The following MAGOHB variants were observed in gnomAD, a reference collection of about 807,000 sequenced individuals.
MAGOHB encodes the protein mago homolog B, exon junction complex subunit.
Under a neutral mutation model 20.9 loss-of-function variants are expected in MAGOHB, and 15 were observed. The ratio of observed to expected loss-of-function variants is 0.72; its 90% CI spans 0.48 to 1.11. MAGOHB has a LOEUF of 1.11. Ranked by LOEUF, MAGOHB falls within the 50% of genes least tolerant of loss-of-function variation. The probability of loss-of-function intolerance (pLI) is 0.00; values close to 1 mark genes in which losing one functional copy is unlikely to be tolerated. For missense variants in MAGOHB, 162 were observed against 177.6 expected (o/e 0.91, Z 0.50); for synonymous variants, 50 against 57.9 (o/e 0.86, Z 0.62).
At chr12:10,612,292 G>A (rs1485624796) in intron 1 of MAGOHB, among the ~76,000 whole-genome samples, 2 of 151,926 alleles carry the variant, frequency 1.3e-5, no homozygotes, top group Non-Finnish European at 2.9e-5. Flanking sequence ...CCAGCACCTC[G>A]GCAGGCTGAG....
chr12:10,613,320 T>G (rs1865785128), intron 1 of MAGOHB, 119 bp downstream of exon 1: 2 of 856,474 alleles, frequency 2.3e-6, no homozygotes, highest in Non-Finnish European at 3.9e-6. Context: ...TCCTCTATTC[T>G]TAAGCTCCTA....
chr12:10,612,556 T>C (rs1473124117), intron 1 of MAGOHB: 1 of 512,376 alleles, frequency 2.0e-6, no homozygotes, highest in African/African-American at 2.1e-5. Flanking sequence ...GGACTTAATA[T>C]GCATACTGCT....
intron 1 of MAGOHB, 91 bp downstream of exon 1, chr12:10,613,348 A>T (rs1405669912): frequency 1.8e-6 from 2 of 1,085,332 alleles, no homozygotes; most frequent in East Asian, 2.4e-5. Flanking sequence ...CGAGGGAAGC[A>T]GTGGCCTCCG....
chr12:10,612,664 G>A, intron 1 of MAGOHB: 8 of 1,147,586 alleles, frequency 7.0e-6, no homozygotes, highest in Non-Finnish European at 8.7e-6. Flanking sequence ...TTTGCTTGTT[G>A]TCCAGCACAA....
At chr12:10,610,291 A>C (rs1865701141) in intron 2 of MAGOHB, among the ~76,000 whole-genome samples, 1 of 152,198 alleles carries the variant, frequency 6.6e-6, no homozygotes, top group Non-Finnish European at 1.5e-5. Flanking sequence ...AGGCAGGAGA[A>C]TCGCTTGAGC....
At chr12:10,610,037 G>A in intron 2 of MAGOHB, 96 bp from the exon 3 acceptor site, 2 of 620,234 alleles carry the variant, frequency 3.2e-6, no homozygotes. Context: ...TCCAAATAGA[G>A]GAATATAGAA....
intron 3 of MAGOHB, chr12:10,609,352 G>A (rs925540171): frequency 4.5e-6 from 2 of 440,972 alleles, no homozygotes; most frequent in South Asian, 1.6e-5. Flanking sequence ...GGCCTTCAGA[G>A]TTCTTCAGAA....
intron 3 of MAGOHB, chr12:10,608,548 G>A (rs1865669051): frequency 6.8e-6 from 1 of 146,762 alleles, no homozygotes; most frequent in African/African-American, 2.5e-5. Flanking sequence ...ATCCCAAGAT[G>A]GTAAGACTTC....
chr12:10,608,890 C>T (rs1365300668), intron 3 of MAGOHB: 1 of 152,116 alleles, frequency 6.6e-6, no homozygotes, highest in East Asian at 1.9e-4. Context: ...TGAAGCATGC[C>T]TACTCCTCCC....
At chr12:10,601,800 C>T (rs1423778452), downstream of MAGOHB, among the ~76,000 whole-genome samples, 1 of 152,204 alleles carries the variant, frequency 6.6e-6, no homozygotes, top group African/African-American at 2.4e-5. Context: ...ATAAAAGTAT[C>T]ACACGCTTCA....
intron 3 of MAGOHB, chr12:10,609,572 T>A (rs558251366): frequency 4.1e-6 from 2 of 482,268 alleles, no homozygotes; most frequent in Non-Finnish European, 7.5e-6. Flanking sequence ...TAACACTGCA[T>A]TGTGAAAACA....
intron 1 of MAGOHB, chr12:10,612,828 C>T (rs1250987841): frequency 7.8e-7 from 1 of 1,289,046 alleles, no homozygotes; most frequent in Non-Finnish European, 1.0e-6. Flanking sequence ...ATCCTCTGCT[C>T]ATACTGCTCT....
At chr12:10,600,018 C>G (rs1409164578), downstream of MAGOHB, among the ~76,000 whole-genome samples, 1 of 151,844 alleles carries the variant, frequency 6.6e-6, no homozygotes, top group Non-Finnish European at 1.5e-5. Flanking sequence ...AACAGTCTCT[C>G]TGTTGGAAAT....
In MAGOHB at chr12:10,604,241, C is replaced by A. The variant is rs975913005; in HGVS notation, c.*2034G>T. 1.3e-5 allele frequency: 2 copies of A among 152,120 alleles called. No homozygotes were observed. Among genetic ancestry groups the A allele is most frequent in the Admixed American group, 6.5e-5 (1 of 15,274 alleles). 9.4% of individuals were successfully genotyped at this position (152,120 alleles called of 1,614,324 possible). A position where few individuals can be genotyped will look rare whatever the true frequency, so the allele number is the denominator to read the frequency against. ...AAGGAAGGAGGTAAAAGGAACATAA[C>A]CTGAGCGCAATAAAAATCTAGTTTC... is the stretch of plus-strand genomic sequence containing the variant. On this transcript the variant is annotated 3_prime_UTR_variant, in exon 5 of 5. Transcript: ENST00000320756.
At chr12:10,611,771 A>AGAAAG (rs750427866) in intron 1 of MAGOHB, among the ~76,000 whole-genome samples, 1 of 93,086 alleles carries the variant, frequency 1.1e-5, no homozygotes, top group African/African-American at 3.9e-5. Flanking sequence ...AAAAAAAAAA[A>AGAAAG]AAAAGAAAAG....
intron 2 of MAGOHB, 130 bp downstream of exon 2, chr12:10,610,492 T>C: frequency 9.2e-7 from 1 of 1,092,596 alleles, no homozygotes; most frequent in Non-Finnish European, 1.2e-6. Flanking sequence ...ACTCTTTCAA[T>C]CTATAAATTG....
In MAGOHB at chr12:10,607,924, C is replaced by T; in HGVS notation, c.277G>A (p.Val93Ile). ...AAAGATATGTGCTCATCTCCAATTACAATTTCAAGCTCCTAAAAAATATAG... is the reference window on the plus strand; with the variant it reads ...AAAGATATGTGCTCATCTCCAATTATAATTTCAAGCTCCTAAAAAATATAG... ...DRVGRQELEI[V>I]IGDEHISFTT... Residue 93 changes from valine to isoleucine, a missense_variant, in exon 4 of 5, where the codon GTA (valine) becomes ATA (isoleucine). Val to Ile is a conservative substitution (Grantham distance 29). Coordinates refer to ENST00000320756, the MANE Select transcript of MAGOHB (RefSeq NM_018048.5). The T allele has an allele frequency of 6.4e-7, 1 of 1,573,378 alleles. No individual in the cohort carries two copies. Among genetic ancestry groups the T allele is most frequent in the South Asian group, 1.2e-5 (1 of 86,018 alleles).
At chr12:10,608,897 T>C (rs1865676161) in intron 3 of MAGOHB, 1 of 152,162 alleles carries the variant, frequency 6.6e-6, no homozygotes, top group Non-Finnish European at 1.5e-5. Context: ...TGCCTACTCC[T>C]CCCCACTAAC....
chr12:10,604,371 G>T lies in MAGOHB; in HGVS notation c.*1904C>A, dbSNP rs181416957. The T allele has an allele frequency of 6.6e-6, 1 of 152,282 alleles. No individual in the cohort carries two copies. Among genetic ancestry groups the T allele is most frequent in the Admixed American group, 6.5e-5 (1 of 15,300 alleles). 9.4% of individuals were successfully genotyped at this position (152,282 alleles called of 1,614,324 possible). On this transcript the variant is annotated 3_prime_UTR_variant, in exon 5 of 5. Coordinates refer to ENST00000320756, the MANE Select transcript of MAGOHB (RefSeq NM_018048.5). ...TCAAAGTATAAGAAAATTGTAGACGGTAATATTTTCCTAATGACCTAGTCT... is the reference window on the plus strand; with the variant it reads ...TCAAAGTATAAGAAAATTGTAGACGTTAATATTTTCCTAATGACCTAGTCT...
Sources: allele counts gnomAD v4.1 joint callset (sites outside exome capture counted in the v4.1 genomes callset), GRCh38; gene constraint gnomAD v4.1.1; transcripts MANE v1.5; gene names NCBI Gene and HGNC (gene_info 2026-07-23, HGNC 2026-07-21).